The following PTPRG variants were observed in gnomAD, a reference collection of about 807,000 sequenced individuals.
PTPRG encodes the protein protein tyrosine phosphatase receptor type G.
PTPRG carries 102 observed loss-of-function variants against 165.3 expected under a neutral mutation model. That is an observed-to-expected ratio of 0.62 (90% confidence interval 0.53 to 0.73). The LOEUF (loss-of-function observed/expected upper bound fraction) is 0.73, where lower values mean the gene tolerates loss of function less well. PTPRG is among the 30% of genes least tolerant of loss of function. The probability of loss-of-function intolerance (pLI) is 0.00; values close to 1 mark genes in which losing one functional copy is unlikely to be tolerated. For synonymous variants in PTPRG, 675 were observed against 669.5 expected, an observed-to-expected ratio of 1.01 and a Z score of -0.13; for missense variants, 1,866 against 1,861.4, an observed-to-expected ratio of 1.00 and a Z score of -0.05.
intron 2 of PTPRG, among the ~76,000 whole-genome samples, chr3:61,948,012 A>ATT (rs2039806066): frequency 1.3e-5 from 2 of 152,114 alleles, no homozygotes; most frequent in African/African-American, 4.8e-5. Context: ...GAAAACACGT[A>ATT]TCCCATAGGA....
At chr3:61,873,448 A>G (rs1302362267) in intron 2 of PTPRG, among the ~76,000 whole-genome samples, 2 of 152,184 alleles carry the variant, frequency 1.3e-5, no homozygotes, top group African/African-American at 4.8e-5. Context: ...AAAAATATAG[A>G]CATAGCAAAA....
intron 1 of PTPRG, among the ~76,000 whole-genome samples, chr3:61,668,097 G>T (rs1033667414): frequency 6.6e-6 from 1 of 152,210 alleles, no homozygotes; most frequent in African/African-American, 2.4e-5. Context: ...AATATTTACT[G>T]TCTGGCTGTT....
chr3:61,971,423 A>G (rs77594565), intron 2 of PTPRG, among the ~76,000 whole-genome samples: 8,605 of 152,304 alleles, frequency 0.056, 304 homozygotes, highest in South Asian at 0.11. Flanking sequence ...TGTCAAGGCA[A>G]TACTAGGAAA....
At chr3:61,826,306 C>T (rs1308173802) in intron 2 of PTPRG, among the ~76,000 whole-genome samples, 1 of 152,142 alleles carries the variant, frequency 6.6e-6, no homozygotes, top group Non-Finnish European at 1.5e-5. Flanking sequence ...AATGCTGATA[C>T]ATTTAAACTG....
At chr3:61,707,014 C>G (rs2031298364) in intron 1 of PTPRG, among the ~76,000 whole-genome samples, 1 of 152,006 alleles carries the variant, frequency 6.6e-6, no homozygotes, top group African/African-American at 2.4e-5. Flanking sequence ...TTAGCCTATT[C>G]TTTTTTCTAC....
intron 4 of PTPRG, among the ~76,000 whole-genome samples, chr3:62,048,057 G>A (rs1232674498): frequency 3.3e-5 from 5 of 152,074 alleles, no homozygotes; most frequent in African/African-American, 1.2e-4. Flanking sequence ...GAAACCTGCT[G>A]AAAGTCAGAC....
chr3:61,926,746 T>A (rs60583322), intron 2 of PTPRG, among the ~76,000 whole-genome samples: 76 of 152,212 alleles, frequency 5.0e-4, no homozygotes, highest in African/African-American at 1.8e-3. Context: ...TTTGTAGTGA[T>A]ATCTCAGATT....
rs546769679 is a variant in PTPRG at position 62,229,273 on chromosome 3, G to C, written c.2289-1952G>C. Reference sequence around the variant, plus strand: ...CTTTCTCTATGTGCCTGTGCTGGGAGATCTGGGTCACATGGCAGCTAATGC... The same window carrying C: ...CTTTCTCTATGTGCCTGTGCTGGGACATCTGGGTCACATGGCAGCTAATGC... On this transcript the variant is annotated intron_variant, in intron 13 of 29. Transcript: ENST00000474889. The surrounding 1 kb of genome is among the most constrained non-coding windows in gnomAD (Gnocchi z 4.6). Among the ~76,000 whole-genome samples, 1 of 152,260 alleles carries C rather than the reference G, an allele frequency of 6.6e-6. No homozygotes were observed. The highest frequency in any genetic ancestry group is 1.9e-4 in the East Asian group (1 of 5,174).
At chr3:61,580,324 C>A (rs1700259084) in intron 1 of PTPRG, among the ~76,000 whole-genome samples, 1 of 151,566 alleles carries the variant, frequency 6.6e-6, no homozygotes, top group South Asian at 2.1e-4. Flanking sequence ...AGATTTTCGA[C>A]CGTGCAGGAG....
chr3:62,154,444 A>T (rs946178841), intron 6 of PTPRG, among the ~76,000 whole-genome samples: 64 of 152,232 alleles, frequency 4.2e-4, no homozygotes, highest in African/African-American at 1.4e-3. Context: ...TGCCCTTTTG[A>T]GTTTGCAGCA....
At chr3:61,820,360 A>G (rs2107251966) in intron 2 of PTPRG, among the ~76,000 whole-genome samples, 1 of 152,326 alleles carries the variant, frequency 6.6e-6, no homozygotes, top group African/African-American at 2.4e-5. Context: ...TCAGGCACTC[A>G]GGGTGCCCTG....
At chr3:62,143,524 C>T (rs1704005481) in intron 6 of PTPRG, among the ~76,000 whole-genome samples, 2 of 150,672 alleles carry the variant, frequency 1.3e-5, no homozygotes, top group Non-Finnish European at 3.0e-5. Flanking sequence ...TTTCTCTTGT[C>T]CTTGGAAAAA....
intron 2 of PTPRG, among the ~76,000 whole-genome samples, chr3:61,823,842 TGAAGCTGGGTGCAGTGGCTCAC>T (rs1408475129): frequency 6.6e-6 from 1 of 152,104 alleles, no homozygotes; most frequent in Non-Finnish European, 1.5e-5. Context: ...TAAATGATGA[TGAAGCTGGGTGCAGTGGCTCAC>T]GCCTGTAATC....
At chr3:61,868,844 T>C (rs529015167) in intron 2 of PTPRG, among the ~76,000 whole-genome samples, 1 of 152,282 alleles carries the variant, frequency 6.6e-6, no homozygotes, top group East Asian at 1.9e-4. Context: ...AATGGTCTCA[T>C]GTTTAATTCA....
chr3:62,196,335 G>A (rs1420439810), intron 10 of PTPRG, among the ~76,000 whole-genome samples: 3 of 152,034 alleles, frequency 2.0e-5, no homozygotes, highest in Non-Finnish European at 4.4e-5. Flanking sequence ...CCTGGAAGGC[G>A]GAGGTTGCAG....
intron 4 of PTPRG, among the ~76,000 whole-genome samples, chr3:62,020,998 A>G (rs1169459232): frequency 6.6e-6 from 1 of 152,194 alleles, no homozygotes; most frequent in South Asian, 2.1e-4. Context: ...TTAATGCTGC[A>G]TAGCTGAGGC....
At chr3:62,039,889 A>G (rs1257195891) in intron 4 of PTPRG, among the ~76,000 whole-genome samples, 1 of 152,216 alleles carries the variant, frequency 6.6e-6, no homozygotes, top group Non-Finnish European at 1.5e-5. Context: ...AATAAAAAAT[A>G]TCTTCTCAGC....
At chr3:62,147,494 A>C (rs1180165018) in intron 6 of PTPRG, among the ~76,000 whole-genome samples, 1 of 152,180 alleles carries the variant, frequency 6.6e-6, no homozygotes, top group Non-Finnish European at 1.5e-5. Context: ...TCATGTCTTC[A>C]TATTTTAGCA....
At chr3:61,876,956 A>G (rs1162157120) in intron 2 of PTPRG, among the ~76,000 whole-genome samples, 1 of 151,920 alleles carries the variant, frequency 6.6e-6, no homozygotes, top group Non-Finnish European at 1.5e-5. Flanking sequence ...AGTGTTGAAC[A>G]TTCTCGTTCT....
Sources: allele counts gnomAD v4.1 joint callset (sites outside exome capture counted in the v4.1 genomes callset), GRCh38; gene constraint gnomAD v4.1.1; non-coding constraint Gnocchi (gnomAD v3.1); transcripts MANE v1.5; gene names NCBI Gene and HGNC (gene_info 2026-07-23, HGNC 2026-07-21).